The following WASF3 variants were observed in gnomAD, a reference collection of about 807,000 sequenced individuals.
WASF3 encodes the protein WASP family member 3.
WASF3 carries 11 observed loss-of-function variants against 46.6 expected under a neutral mutation model. The observed-to-expected ratio is 0.24, with a 90% CI of 0.15 to 0.39. WASF3 has a LOEUF of 0.39. Among genes scored for constraint, WASF3 ranks in the 10% least tolerant of loss-of-function variants. The pLI, the probability that WASF3 is intolerant of heterozygous loss-of-function variation, is 1.00. For synonymous variants in WASF3, 242 were observed against 259.7 expected (o/e 0.93, Z 0.65); for missense variants, 576 against 669.8 (o/e 0.86, Z 1.55).
chr13:26,661,823 G>A (rs1204467654), intron 3 of WASF3, among the ~76,000 whole-genome samples: 1 of 152,318 alleles, frequency 6.6e-6, no homozygotes, highest in East Asian at 1.9e-4. Context: ...TATGAGAGGT[G>A]GTGGTGAGAG....
chr13:26,559,792 C>CTTTTCTTTTCTTTCTTTA, intron 1 of WASF3, among the ~76,000 whole-genome samples: 1 of 74,078 alleles, frequency 1.3e-5, no homozygotes, highest in African/African-American at 5.4e-5. Context: ...CTTTTCTTTT[C>CTTTTCTTTTCTTTCTTTA]TTTCTTTCTT....
chr13:26,572,542 A>T (rs1414700076), intron 1 of WASF3, among the ~76,000 whole-genome samples: 1 of 152,098 alleles, frequency 6.6e-6, no homozygotes, highest in Non-Finnish European at 1.5e-5. Flanking sequence ...TAGATTTCCT[A>T]ATCGGAATCA....
At chr13:26,580,300 C>A (rs1879938675) in intron 1 of WASF3, among the ~76,000 whole-genome samples, 1 of 152,014 alleles carries the variant, frequency 6.6e-6, no homozygotes, top group African/African-American at 2.4e-5. Context: ...CAAAAGTTGG[C>A]TTTTGTGGTT....
At chr13:26,605,788 A>G (rs907074481) in intron 1 of WASF3, among the ~76,000 whole-genome samples, 1 of 152,176 alleles carries the variant, frequency 6.6e-6, no homozygotes, top group African/African-American at 2.4e-5. Context: ...CGGATTTCTA[A>G]CCATTTTCAA....
At chr13:26,647,971 T>C (rs1438348912) in intron 3 of WASF3, among the ~76,000 whole-genome samples, 1 of 152,086 alleles carries the variant, frequency 6.6e-6, no homozygotes, top group East Asian at 1.9e-4. Flanking sequence ...TGTATTCTTA[T>C]AAGACACATT....
At chr13:26,628,088 C>T (rs1593157159) in intron 2 of WASF3, among the ~76,000 whole-genome samples, 1 of 151,922 alleles carries the variant, frequency 6.6e-6, no homozygotes, top group East Asian at 1.9e-4. Context: ...ATGGAATGAG[C>T]TAGAACTGAG....
intron 8 of WASF3, among the ~76,000 whole-genome samples, chr13:26,681,691 C>T (rs1471558403): frequency 2.0e-5 from 3 of 152,128 alleles, no homozygotes; most frequent in Non-Finnish European, 2.9e-5. Flanking sequence ...TTATCACAGA[C>T]GAGAAGACCA....
At chr13:26,550,289 G>A in the WASF3 span, among the ~76,000 whole-genome samples, 1 of 152,150 alleles carries the variant, frequency 6.6e-6, no homozygotes, top group African/African-American at 2.4e-5. Flanking sequence ...AATAAGTGCA[G>A]TGCATTTTAG....
chr13:26,638,961 A>C (rs554931771), intron 2 of WASF3, among the ~76,000 whole-genome samples: 180 of 152,284 alleles, frequency 1.2e-3, no homozygotes, highest in Non-Finnish European at 2.2e-3. Flanking sequence ...TTCTCTCACC[A>C]TGTGATCTCT....
At chr13:26,654,783 A>T (rs1007645426) in intron 3 of WASF3, among the ~76,000 whole-genome samples, 1 of 152,142 alleles carries the variant, frequency 6.6e-6, no homozygotes, top group Non-Finnish European at 1.5e-5. Context: ...TAGAGTCTTT[A>T]ATTGGACTTT....
chr13:26,615,806 C>T (rs904606194), intron 2 of WASF3, among the ~76,000 whole-genome samples: 2 of 152,152 alleles, frequency 1.3e-5, no homozygotes, highest in Non-Finnish European at 2.9e-5. Context: ...CCTCACATAA[C>T]GGCTGCTCTG....
intron 1 of WASF3, among the ~76,000 whole-genome samples, chr13:26,590,866 A>G (rs1040214931): frequency 2.0e-5 from 3 of 152,232 alleles, no homozygotes; most frequent in Non-Finnish European, 4.4e-5. Context: ...ACAAATTAAT[A>G]AATTATTCAC....
chr13:26,644,045 G>T (rs1016970043), intron 3 of WASF3, among the ~76,000 whole-genome samples: 10 of 152,194 alleles, frequency 6.6e-5, no homozygotes, highest in African/African-American at 2.2e-4. Flanking sequence ...AATCCACAAG[G>T]GTTCTTTAAA....
At chr13:26,644,729 A>C (rs916985328) in intron 3 of WASF3, among the ~76,000 whole-genome samples, 9 of 152,312 alleles carry the variant, frequency 5.9e-5, no homozygotes, top group Non-Finnish European at 1.3e-4. Flanking sequence ...GGGGGTGAAA[A>C]AGCCGTAATG....
Position 26,686,114 on chromosome 13 carries a change from C to T in WASF3, c.*269C>T, listed in dbSNP as rs1883397431. 4.8e-6 allele frequency: 2 copies of T among 414,788 alleles called. No homozygotes were observed. Among genetic ancestry groups the T allele is most frequent in the Non-Finnish European group, 8.7e-6 (2 of 228,790 alleles). The allele number at this position is 414,788 out of a possible 1,614,324, so 25.7% of individuals were successfully genotyped here. On this transcript the variant is annotated 3_prime_UTR_variant, in exon 10 of 10. Transcript: ENST00000335327. The stretch of plus-strand genomic sequence containing the variant: ...AAAACAGCATCTGCTTTCCTCTTGG[C>T]CATGAGAGTATTTAGTGCAGTTTGG...
intron 6 of WASF3, 24 bp from the exon 7 acceptor site, chr13:26,676,525 T>C (rs1376705593): frequency 6.2e-6 from 10 of 1,610,050 alleles, no homozygotes; most frequent in Non-Finnish European, 8.5e-6. Context: ...CTTGGCATGC[T>C]CTCTTTCCTT....
At chr13:26,577,267 C>G in intron 1 of WASF3, 2 of 739,254 alleles carry the variant, frequency 2.7e-6, no homozygotes, top group African/African-American at 1.7e-5. Context: ...GATGTCAGGA[C>G]TACCGATGGT....
intron 3 of WASF3, among the ~76,000 whole-genome samples, chr13:26,655,722 G>C (rs1264900578): frequency 6.6e-6 from 1 of 152,006 alleles, no homozygotes; most frequent in Non-Finnish European, 1.5e-5. Flanking sequence ...TTATTTACTT[G>C]CTCATTTATA....
chr13:26,568,858 G>A (rs554687351), intron 1 of WASF3, among the ~76,000 whole-genome samples: 49 of 152,306 alleles, frequency 3.2e-4, no homozygotes, highest in African/African-American at 1.0e-3. Flanking sequence ...TACTTTCCCC[G>A]TATGCCTGGC....
Sources: gnomAD v4.1 joint callset for allele counts (sites outside exome capture counted in the v4.1 genomes callset) on GRCh38, gnomAD v4.1.1 for gene constraint, MANE v1.5 for transcripts, NCBI Gene and HGNC (gene_info 2026-07-23, HGNC 2026-07-21) for gene names.